EPHA6: variants seen among roughly 807,000 people sequenced by gnomAD.
The protein encoded by EPHA6 is EPH receptor A6.
EPHA6 carries 50 observed loss-of-function variants against 112.0 expected under a neutral mutation model. The ratio of observed to expected loss-of-function variants is 0.45; its 90% confidence interval spans 0.36 to 0.56. EPHA6 has a LOEUF of 0.56. Ranked by LOEUF, EPHA6 falls within the 20% of genes least tolerant of loss-of-function variation. EPHA6 has a pLI of 0.00. For synonymous variants in EPHA6, 529 were observed against 490.7 expected, an observed-to-expected ratio of 1.08 and a Z score of -1.03; for missense variants, 1,280 against 1,417.4, an observed-to-expected ratio of 0.90 and a Z score of 1.56.
At chr3:97,141,237 A>G (rs1480568909) in intron 3 of EPHA6, among the ~76,000 whole-genome samples, 1 of 152,076 alleles carries the variant, frequency 6.6e-6, no homozygotes, top group Non-Finnish European at 1.5e-5. Flanking sequence ...ATAGTGGGGG[A>G]TTTTAACACC....
At chr3:97,024,390 C>G (rs2044564182) in intron 3 of EPHA6, among the ~76,000 whole-genome samples, 1 of 152,024 alleles carries the variant, frequency 6.6e-6, no homozygotes, top group Non-Finnish European at 1.5e-5. Context: ...ATGACTCTTA[C>G]TAGTGTAATG....
intron 5 of EPHA6, among the ~76,000 whole-genome samples, chr3:97,392,421 T>A (rs1040840621): frequency 1.3e-5 from 2 of 151,550 alleles, no homozygotes; most frequent in Non-Finnish European, 3.0e-5. Context: ...TATATGGGGG[T>A]GTGTCTGTGT....
intron 5 of EPHA6, among the ~76,000 whole-genome samples, chr3:97,402,562 T>G (rs921617796): frequency 6.6e-6 from 1 of 152,090 alleles, no homozygotes; most frequent in Non-Finnish European, 1.5e-5. Context: ...AAACAGTACA[T>G]AGTTAGGTCT....
intron 1 of EPHA6, among the ~76,000 whole-genome samples, chr3:96,833,398 G>T (rs1210711772): frequency 6.6e-6 from 1 of 151,756 alleles, no homozygotes; most frequent in Non-Finnish European, 1.5e-5. Context: ...CTAACTCTGT[G>T]AAACCTCAGC....
intron 14 of EPHA6, among the ~76,000 whole-genome samples, chr3:97,646,677 T>C (rs1011480892): frequency 9.2e-5 from 14 of 152,180 alleles, no homozygotes; most frequent in African/African-American, 3.4e-4. Flanking sequence ...GGAGTCCATA[T>C]GTACTTATGC....
intron 5 of EPHA6, among the ~76,000 whole-genome samples, chr3:97,279,420 T>G (rs1172310594): frequency 2.6e-5 from 4 of 151,740 alleles, no homozygotes; most frequent in African/African-American, 9.7e-5. Flanking sequence ...TGTGACTACA[T>G]GAAAATTTTA....
chr3:96,828,180 A>G (rs2033790187), intron 1 of EPHA6, among the ~76,000 whole-genome samples: 1 of 152,070 alleles, frequency 6.6e-6, no homozygotes, highest in Non-Finnish European at 1.5e-5. Context: ...TCCTAAACAT[A>G]TCAGAGTTTA....
At chr3:96,991,092 C>T (rs1186350630) in intron 3 of EPHA6, among the ~76,000 whole-genome samples, 7 of 151,980 alleles carry the variant, frequency 4.6e-5, no homozygotes, top group Admixed American at 1.3e-4. Flanking sequence ...TAGGTTCAAG[C>T]GATCCTCCTG....
In EPHA6 at chr3:97,278,725, T is replaced by A. The variant is rs1328070954; in HGVS notation, c.1606+34438T>A. ...TTACTCAAATACAGGAATAACAGAGTAAGATCAGCTCCTGTAGTGGGTGTA... is the reference window on the plus strand; with the variant it reads ...TTACTCAAATACAGGAATAACAGAGAAAGATCAGCTCCTGTAGTGGGTGTA... On this transcript the variant is annotated intron_variant, in intron 5 of 17. Transcript: ENST00000389672. Among the ~76,000 whole-genome samples, 3 of 151,906 alleles carry A rather than the reference T, an allele frequency of 2.0e-5. No homozygotes were observed. In the East Asian group the frequency reaches 5.8e-4, roughly 29 times the overall value.
chr3:97,467,321 AT>A (rs1365237283), intron 7 of EPHA6, among the ~76,000 whole-genome samples: 1 of 151,806 alleles, frequency 6.6e-6, no homozygotes, highest in Non-Finnish European at 1.5e-5. Flanking sequence ...TCTATGAAAA[AT>A]AGACTCCAAA....
At chr3:97,378,713 C>T (rs758595101) in intron 5 of EPHA6, among the ~76,000 whole-genome samples, 1 of 152,120 alleles carries the variant, frequency 6.6e-6, no homozygotes, top group Non-Finnish European at 1.5e-5. Context: ...ATTTGACTGC[C>T]CCATTGGATT....
chr3:96,979,321 A>G (rs2107810033), intron 2 of EPHA6, among the ~76,000 whole-genome samples: 1 of 150,042 alleles, frequency 6.7e-6, no homozygotes, highest in South Asian at 2.1e-4. Flanking sequence ...TGTCCTTGCA[A>G]TACTTTGCTG....
intron 3 of EPHA6, among the ~76,000 whole-genome samples, chr3:97,172,806 C>T (rs866477174): frequency 2.6e-5 from 4 of 152,070 alleles, no homozygotes; most frequent in Non-Finnish European, 4.4e-5. Flanking sequence ...ATAGCATCAT[C>T]AATTTACTTT....
At chr3:97,243,256 A>G (rs1374886636) in intron 4 of EPHA6, among the ~76,000 whole-genome samples, 1 of 151,810 alleles carries the variant, frequency 6.6e-6, no homozygotes. Flanking sequence ...TGTTTAGTAA[A>G]CTTAATCTAA....
intron 14 of EPHA6, among the ~76,000 whole-genome samples, chr3:97,659,787 A>T: frequency 6.6e-6 from 1 of 152,074 alleles, no homozygotes; most frequent in Non-Finnish European, 1.5e-5. Flanking sequence ...AATTTTGAAT[A>T]AAATGATTAT....
At chr3:96,892,301 A>C (rs1236645096) in intron 2 of EPHA6, among the ~76,000 whole-genome samples, 3 of 149,860 alleles carry the variant, frequency 2.0e-5, no homozygotes. Context: ...GCTCACTGCA[A>C]CCTCTGCCTC....
intron 5 of EPHA6, among the ~76,000 whole-genome samples, chr3:97,298,904 G>A (rs2080980746): frequency 6.6e-6 from 1 of 151,988 alleles, no homozygotes; most frequent in South Asian, 2.1e-4. Flanking sequence ...TATAGGATAT[G>A]ATTAGGAATT....
At chr3:96,841,373 G>C (rs983019415) in intron 1 of EPHA6, among the ~76,000 whole-genome samples, 1 of 152,076 alleles carries the variant, frequency 6.6e-6, no homozygotes, top group African/African-American at 2.4e-5. Flanking sequence ...TAACTTAGTG[G>C]TATTGGGGCC....
chr3:97,262,482 C>G (rs1482403760), intron 5 of EPHA6, among the ~76,000 whole-genome samples: 1 of 152,004 alleles, frequency 6.6e-6, no homozygotes, highest in Non-Finnish European at 1.5e-5. Context: ...TGAATATATT[C>G]CCTGGTAAAC....
Sources: gnomAD v4.1 joint callset for allele counts (sites outside exome capture counted in the v4.1 genomes callset) on GRCh38, gnomAD v4.1.1 for gene constraint, MANE v1.5 for transcripts, NCBI Gene and HGNC (gene_info 2026-07-23, HGNC 2026-07-21) for gene names.